PWP1: variants seen among roughly 807,000 people sequenced by gnomAD.
PWP1 encodes the protein PWP1 homolog, endonuclein, also known as periodic tryptophan protein 1 homolog.
Under a neutral mutation model 69.9 loss-of-function variants are expected in PWP1, and 47 were observed. That is an observed-to-expected ratio of 0.67 (90% CI 0.53 to 0.86). The LOEUF (loss-of-function observed/expected upper bound fraction) is 0.86, where lower values mean the gene tolerates loss of function less well. PWP1 is among the 40% of genes least tolerant of loss of function. PWP1 has a pLI of 0.00. For missense variants in PWP1, 551 were observed against 608.8 expected (o/e 0.91, Z 1.00); for synonymous variants, 222 against 208.2 (o/e 1.07, Z -0.57).
intron 5 of PWP1, among the ~76,000 whole-genome samples, chr12:107,693,533 C>G (rs1397676937): frequency 6.6e-6 from 1 of 151,988 alleles, no homozygotes; most frequent in African/African-American, 2.4e-5. Context: ...TCACTCCTCT[C>G]CTACTCCTGC....
Position 107,692,839 on chromosome 12 carries a change from C to T in PWP1, c.345C>T (p.Leu115=), listed in dbSNP as rs776614694. 2 of 1,613,776 alleles carry T rather than the reference C, an allele frequency of 1.2e-6. No individual in the cohort carries two copies. Among genetic ancestry groups the T allele is most frequent in the South Asian group, 2.2e-5 (2 of 91,054 alleles). The change falls in exon 4 of 15, where the codon CTC becomes CTT. Residue 115 remains leucine, a synonymous_variant. Coordinates refer to ENST00000412830, the MANE Select transcript of PWP1 (RefSeq NM_007062.3). ...DPDAETLGES[L]LGLTVYGSND... Reference sequence around the variant, plus strand: ...ATGCTGAGACTCTTGGTGAATCTCTCTTGGGTCTTACGGTCTACGGGAGTA... The same window carrying T: ...ATGCTGAGACTCTTGGTGAATCTCTTTTGGGTCTTACGGTCTACGGGAGTA...
rs751427418 is a variant in PWP1, at chr12:107,688,478, C to T, written c.103C>T (p.Leu35Phe). ...VELSKEEVKRLIAEAKEKLQE... is the reference protein window; with the variant it reads ...VELSKEEVKRFIAEAKEKLQE... ...GCTGAGTAAAGAAGAAGTAAAACGC[C>T]TCATTGCTGAGGCAAAGGAGAAATT... Residue 35 changes from leucine to phenylalanine, a missense_variant, in exon 2 of 15, where the codon CTC becomes TTC. By Grantham distance (22) the Leu-to-Phe change is conservative. Transcript: ENST00000412830. 2.7e-5 allele frequency: 44 copies of T among 1,613,880 alleles called. No homozygotes were observed. Among genetic ancestry groups the T allele is most frequent in the Non-Finnish European group, 3.6e-5 (43 of 1,180,014 alleles).
At chr12:107,695,232 C>T (rs539169274) in intron 5 of PWP1, among the ~76,000 whole-genome samples, 1 of 151,918 alleles carries the variant, frequency 6.6e-6, no homozygotes, top group African/African-American at 2.4e-5. Context: ...TGTCACTGCA[C>T]TCCAGCCTGG....
At chr12:107,706,212 A>G (rs979631515) in intron 11 of PWP1, among the ~76,000 whole-genome samples, 4 of 152,098 alleles carry the variant, frequency 2.6e-5, no homozygotes, top group Non-Finnish European at 5.9e-5. Flanking sequence ...AGAAGTGTCT[A>G]TTCATATCCT....
intron 8 of PWP1, among the ~76,000 whole-genome samples, chr12:107,700,437 C>A (rs1374489237): frequency 6.6e-6 from 1 of 152,148 alleles, no homozygotes; most frequent in Non-Finnish European, 1.5e-5. Context: ...ATCATACAGA[C>A]TTACTTCTTT....
chr12:107,698,049 T>G (rs1383940327), intron 7 of PWP1, among the ~76,000 whole-genome samples: 1 of 152,196 alleles, frequency 6.6e-6, no homozygotes, highest in Non-Finnish European at 1.5e-5. Flanking sequence ...ACTTGTATAA[T>G]TACAGTACCT....
intron 9 of PWP1, 128 bp from the exon 10 acceptor site, chr12:107,703,552 GTTTCT>G: frequency 1.3e-6 from 1 of 758,850 alleles, no homozygotes; most frequent in Non-Finnish European, 2.3e-6. Context: ...GTACATTTAT[GTTTCT>G]TTTGTTTACT....
chr12:107,709,065 A>C (rs748426966), intron 12 of PWP1, 46 bp from the exon 13 acceptor site: 1 of 1,613,530 alleles, frequency 6.2e-7, no homozygotes, highest in East Asian at 2.2e-5. Flanking sequence ...ATGATGAAGT[A>C]AATCTGTATT....
At position 107,691,296 on chromosome 12, in the gene PWP1, G is replaced by A. The variant is rs565107222; in HGVS notation, c.320-1518G>A. Among the ~76,000 whole-genome samples, 19 of 152,370 alleles carry A rather than the reference G, an allele frequency of 1.2e-4. 1 individual carries two copies. In the South Asian group the frequency reaches 3.3e-3, roughly 27 times the overall value. ...GCATGAGTGAAGCACAGAGAAGGTGGATGGGCAGTTGCTGGGAAGTCTGGA... is the reference window on the plus strand; with the variant it reads ...GCATGAGTGAAGCACAGAGAAGGTGAATGGGCAGTTGCTGGGAAGTCTGGA... On this transcript the variant is annotated intron_variant, in intron 3 of 14. Coordinates refer to ENST00000412830, the MANE Select transcript of PWP1 (RefSeq NM_007062.3).
At chr12:107,686,263 G>A in intron 1 of PWP1, 1 of 507,876 alleles carries the variant, frequency 2.0e-6, no homozygotes, top group Non-Finnish European at 3.6e-6. Context: ...GTGGGCTGCT[G>A]TTTTTGGTGG....
At position 107,712,224 on chromosome 12, in the gene PWP1, A is replaced by C; in HGVS notation, c.*4A>C. The C allele has an allele frequency of 1.9e-6, 3 of 1,603,546 alleles. 1 individual carries two copies. The highest frequency in any genetic ancestry group is 2.2e-5 in the South Asian group (2 of 90,294). Reference sequence around the variant, plus strand: ...AGATACACCCATGGAGTCTTAATGAAGATCATCTAATTTCCTGCTTACCTT... The same window carrying C: ...AGATACACCCATGGAGTCTTAATGACGATCATCTAATTTCCTGCTTACCTT... On this transcript the variant is annotated 3_prime_UTR_variant, in exon 15 of 15. Transcript: ENST00000412830.
chr12:107,704,052 TG>T (rs1479373778), intron 10 of PWP1, among the ~76,000 whole-genome samples: 1 of 152,242 alleles, frequency 6.6e-6, no homozygotes, highest in African/African-American at 2.4e-5. Flanking sequence ...CATGAAGAAC[TG>T]GGGCCACTGT....
At chr12:107,692,667 T>C (rs1184352891) in intron 3 of PWP1, 147 bp from the exon 4 acceptor site, 17 of 655,532 alleles carry the variant, frequency 2.6e-5, no homozygotes, top group Non-Finnish European at 2.0e-5. Flanking sequence ...TGCTGCTGCT[T>C]ACGTAGTTTC....
intron 8 of PWP1, among the ~76,000 whole-genome samples, chr12:107,701,288 T>G (rs58496865): frequency 0.054 from 8,147 of 152,164 alleles, 737 homozygotes; most frequent in African/African-American, 0.19. Flanking sequence ...CCACCAAGCC[T>G]GGCCTCCCTT....
At chr12:107,711,414 TAACA>T (rs1889950023) in intron 14 of PWP1, among the ~76,000 whole-genome samples, 1 of 152,190 alleles carries the variant, frequency 6.6e-6, no homozygotes, top group Non-Finnish European at 1.5e-5. Flanking sequence ...CCCAGCAATT[TAACA>T]AATACATATC....
intron 13 of PWP1, among the ~76,000 whole-genome samples, chr12:107,710,175 C>T (rs1026119848): frequency 1.3e-5 from 2 of 152,128 alleles, no homozygotes; most frequent in African/African-American, 2.4e-5. Flanking sequence ...TCAGAAGTTG[C>T]AGATATCATT....
intron 10 of PWP1, among the ~76,000 whole-genome samples, chr12:107,703,977 GC>G (rs1351427648): frequency 6.6e-6 from 1 of 152,190 alleles, no homozygotes. Context: ...GCTTTTAGAG[GC>G]TGTACTTTGC....
rs202133075 is a variant in PWP1 at position 107,688,698 on chromosome 12, C to T, written c.215C>T (p.Pro72Leu). Reference sequence around the variant, plus strand: ...CAGAGTGCACGCACCCAGGCACGCCCAAGAGAGCCCCTGGAGGATGGTGAC... The same window carrying T: ...CAGAGTGCACGCACCCAGGCACGCCTAAGAGAGCCCCTGGAGGATGGTGAC... ...GMQSARTQAR[P>L]REPLEDGDPE... is the part of the protein sequence containing the mutation. The change falls in exon 3 of 15, where the codon CCA becomes CTA. Residue 72 changes from proline to leucine, a missense_variant. Physicochemically the swap from Pro to Leu is moderately conservative, Grantham distance 98 (BLOSUM62 -3). Coordinates refer to ENST00000412830, the MANE Select transcript of PWP1 (RefSeq NM_007062.3). 1 of 1,614,172 alleles carries T rather than the reference C, an allele frequency of 6.2e-7. No homozygotes were observed. The highest frequency in any genetic ancestry group is 1.7e-5 in the Admixed American group (1 of 60,032).
rs1205308566 is a variant in PWP1, at chr12:107,699,359, A to G, written c.745-14A>G. 2 of 1,598,666 alleles carry G rather than the reference A, an allele frequency of 1.3e-6. No individual in the cohort carries two copies. Among genetic ancestry groups the G allele is most frequent in the Admixed American group, 1.7e-5 (1 of 58,836 alleles). ...GGACTTTAATACAAAAAATAATTAA[A>G]ACAATTATTACAGAGTTCCTCAGCA... is the stretch of plus-strand genomic sequence containing the variant. On this transcript the variant is annotated splice_polypyrimidine_tract_variant and intron_variant, in intron 7 of 14. Coordinates refer to ENST00000412830, the MANE Select transcript of PWP1 (RefSeq NM_007062.3).
Sources: allele counts gnomAD v4.1 joint callset (sites outside exome capture counted in the v4.1 genomes callset), GRCh38; gene constraint gnomAD v4.1.1; transcripts MANE v1.5; gene names NCBI Gene and HGNC (gene_info 2026-07-23, HGNC 2026-07-21).